Variants in JMJD1C observed in about 807,000 individuals in gnomAD.
JMJD1C encodes jumonji domain-containing protein 1C.
A neutral mutation model predicts 245.3 loss-of-function variants in JMJD1C; 31 were observed. The ratio of observed to expected loss-of-function variants is 0.13; its 90% CI spans 0.09 to 0.17. The LOEUF is 0.17. Ranked by LOEUF, JMJD1C falls within the 10% of genes least tolerant of loss-of-function variation. JMJD1C has a pLI of 1.00. For synonymous variants in JMJD1C, 1,057 were observed against 1,017.4 expected (o/e 1.04, Z -0.74); for missense variants, 2,691 against 3,000.2 (o/e 0.90, Z 2.41).
intron 1 of JMJD1C, among the ~76,000 whole-genome samples, chr10:63,463,656 A>C (rs947865847): frequency 6.6e-6 from 1 of 152,234 alleles, no homozygotes; most frequent in African/African-American, 2.4e-5. Context: ...AAATAAAGAC[A>C]GATTAAAAAA....
chr10:63,447,841 A>C (rs1951805058), intron 1 of JMJD1C, among the ~76,000 whole-genome samples: 1 of 152,062 alleles, frequency 6.6e-6, no homozygotes, highest in African/African-American at 2.4e-5. Flanking sequence ...TGGGAGGCTC[A>C]GGCAGGAGAA....
chr10:63,263,788 T>C (rs1488276276), intron 3 of JMJD1C, among the ~76,000 whole-genome samples: 1 of 151,726 alleles, frequency 6.6e-6, no homozygotes, highest in Non-Finnish European at 1.5e-5. Flanking sequence ...AAAAATTAGC[T>C]GGGCGTGGTG....
chr10:63,437,689 C>G (rs1951134601), intron 1 of JMJD1C, among the ~76,000 whole-genome samples: 1 of 152,180 alleles, frequency 6.6e-6, no homozygotes, highest in South Asian at 2.1e-4. Context: ...AATCTACTAC[C>G]TCCAGTTCTC....
At chr10:63,185,419 A>T (rs1338020632) in intron 20 of JMJD1C, 144 bp downstream of exon 20, 1 of 655,914 alleles carries the variant, frequency 1.5e-6, no homozygotes, top group Non-Finnish European at 2.7e-6. Flanking sequence ...GGCGTGAGCC[A>T]CTATGACGCT....
chr10:63,267,003 G>C (rs962952763), intron 2 of JMJD1C, among the ~76,000 whole-genome samples: 1 of 152,110 alleles, frequency 6.6e-6, no homozygotes, highest in Non-Finnish European at 1.5e-5. Context: ...AAATTCTCAC[G>C]TTTTAAGATG....
At chr10:63,274,226 A>G (rs1262336196) in intron 2 of JMJD1C, among the ~76,000 whole-genome samples, 1 of 152,248 alleles carries the variant, frequency 6.6e-6, no homozygotes, top group Non-Finnish European at 1.5e-5. Context: ...ATGAAAATAC[A>G]TAAAAATGTA....
intron 8 of JMJD1C, among the ~76,000 whole-genome samples, chr10:63,210,570 A>T (rs114687223): frequency 1.2e-4 from 18 of 152,264 alleles, no homozygotes; most frequent in African/African-American, 4.3e-4. Flanking sequence ...AGTTACTTAA[A>T]TCTGTTTTCA....
intron 3 of JMJD1C, among the ~76,000 whole-genome samples, chr10:63,226,453 C>G (rs972513929): frequency 6.6e-6 from 1 of 151,974 alleles, no homozygotes; most frequent in Non-Finnish European, 1.5e-5. Flanking sequence ...TGGCTCACAC[C>G]TATAATCCCA....
intron 2 of JMJD1C, among the ~76,000 whole-genome samples, chr10:63,299,126 T>C (rs1172940935): frequency 1.3e-5 from 2 of 152,206 alleles, no homozygotes; most frequent in Non-Finnish European, 2.9e-5. Flanking sequence ...AGAAACTGTA[T>C]AATATGAAAA....
chr10:63,469,618 T>TA (rs1270755646), upstream of JMJD1C, among the ~76,000 whole-genome samples: 1 of 152,186 alleles, frequency 6.6e-6, no homozygotes, highest in Non-Finnish European at 1.5e-5. Flanking sequence ...TCTGGAAAGA[T>TA]AGACAATAGA....
rs75180911 is a variant in JMJD1C at position 63,495,406 on chromosome 10, TAA to T, written n.113+26330_113+26331del. ...AATATTTTTTAAACCCAAGAATTCATAAAAAAAAAAAAAGACTAAAAACAATT... is the reference window on the plus strand; with the variant it reads ...AATATTTTTTAAACCCAAGAATTCATAAAAAAAAAAAGACTAAAAACAATT... On this transcript the variant is annotated intron_variant and non_coding_transcript_variant, in intron 1 of 3. Transcript: ENST00000633035. Among the ~76,000 whole-genome samples the T allele has an allele frequency of 3.5e-4, 53 of 149,626 alleles. 1 individual carries two copies. Among genetic ancestry groups the T allele is most frequent in the Admixed American group, 4.6e-4 (7 of 15,148 alleles).
chr10:63,498,082 G>A (rs182609680), intron 1 of JMJD1C, among the ~76,000 whole-genome samples: 2 of 152,170 alleles, frequency 1.3e-5, no homozygotes, highest in Admixed American at 6.5e-5. Flanking sequence ...AAAATATCAC[G>A]AGCATATACT....
At chr10:63,269,730 AT>A (rs1324050999) in intron 2 of JMJD1C, among the ~76,000 whole-genome samples, 1 of 152,222 alleles carries the variant, frequency 6.6e-6, no homozygotes, top group Admixed American at 6.5e-5. Flanking sequence ...ATTTGAAAAT[AT>A]TCCTCAACCA....
Position 63,392,867 on chromosome 10 carries a change from A to C in JMJD1C, c.169-12385T>G, listed in dbSNP as rs868586893. ...AAAAAGGTGGGCAAAAAAGTACATA[A>C]ACACACACACACACACACACACACA... is the stretch of plus-strand genomic sequence containing the variant. On this transcript the variant is annotated intron_variant, in intron 1 of 25. Coordinates refer to ENST00000399262, the MANE Select transcript of JMJD1C (RefSeq NM_032776.3). Among the ~76,000 whole-genome samples the C allele has an allele frequency of 1.5e-3, 166 of 112,286 alleles. 1 individual carries two copies. The highest frequency in any genetic ancestry group is 3.1e-3 in the East Asian group (12 of 3,916). 73.7% of individuals were successfully genotyped at this position (112,286 alleles called of 152,430 possible).
intron 1 of JMJD1C, among the ~76,000 whole-genome samples, chr10:63,462,554 T>A (rs946385339): frequency 6.6e-6 from 1 of 152,188 alleles, no homozygotes; most frequent in Non-Finnish European, 1.5e-5. Flanking sequence ...GGCAAGATTA[T>A]CCTGGATTAT....
At chr10:63,488,871 A>G (rs963904596) in intron 1 of JMJD1C, among the ~76,000 whole-genome samples, 1 of 152,170 alleles carries the variant, frequency 6.6e-6, no homozygotes. Flanking sequence ...GAGTGTGTTC[A>G]GTTTTTAAAA....
At chr10:63,332,621 T>C (rs1025553691) in intron 2 of JMJD1C, among the ~76,000 whole-genome samples, 2 of 152,208 alleles carry the variant, frequency 1.3e-5, no homozygotes, top group South Asian at 4.1e-4. Flanking sequence ...GGTTTCTCAA[T>C]TACAAAACGG....
At chr10:63,317,536 T>TACAC (rs542075558) in intron 2 of JMJD1C, among the ~76,000 whole-genome samples, 325 of 151,458 alleles carry the variant, frequency 2.1e-3, no homozygotes, top group African/African-American at 7.2e-3. Flanking sequence ...CTAAGCCTAC[T>TACAC]ACACACACAC....
At chr10:63,262,228 G>A (rs1378238090) in intron 3 of JMJD1C, among the ~76,000 whole-genome samples, 1 of 152,066 alleles carries the variant, frequency 6.6e-6, no homozygotes, top group African/African-American at 2.4e-5. Flanking sequence ...TGTACTGCTT[G>A]GACAACTGGT....
Sources: allele counts gnomAD v4.1 joint callset (sites outside exome capture counted in the v4.1 genomes callset), GRCh38; gene constraint gnomAD v4.1.1; transcripts MANE v1.5; gene names NCBI Gene and HGNC (gene_info 2026-07-23, HGNC 2026-07-21).